Variants in CELF2 observed in about 807,000 individuals in gnomAD.
CELF2 encodes the protein CUG triplet repeat RNA-binding protein 2.
In CELF2, 8 loss-of-function variants were observed where a neutral mutation model predicts 62.6. That is an observed-to-expected ratio of 0.13 (90% CI 0.07 to 0.23). The LOEUF is 0.23. Ranked by LOEUF, CELF2 falls within the 10% of genes least tolerant of loss-of-function variation. CELF2 has a pLI of 1.00. For missense variants in CELF2, 333 were observed against 671.0 expected (o/e 0.50, Z 5.56); for synonymous variants, 258 against 250.0 (o/e 1.03, Z -0.30).
chr10:11,210,641 C>T (rs1049344867), intron 2 of CELF2, among the ~76,000 whole-genome samples: 1 of 152,186 alleles, frequency 6.6e-6, no homozygotes, highest in African/African-American at 2.4e-5. Flanking sequence ...TAGAGAACAC[C>T]TTACACAGGG....
At chr10:10,708,777 G>A in the CELF2 span, among the ~76,000 whole-genome samples, 1 of 152,092 alleles carries the variant, frequency 6.6e-6, no homozygotes, top group East Asian at 1.9e-4. Flanking sequence ...ATAATATACT[G>A]GGAATGGTTG....
chr10:10,826,203 T>C (rs1289320200), intron 1 of CELF2, among the ~76,000 whole-genome samples: 2 of 152,140 alleles, frequency 1.3e-5, no homozygotes, highest in African/African-American at 4.8e-5. Context: ...TTTTCCTGGA[T>C]GCCCATTTCT....
chr10:11,104,503 C>A (rs1311003900), intron 1 of CELF2, among the ~76,000 whole-genome samples: 1 of 152,126 alleles, frequency 6.6e-6, no homozygotes, highest in Non-Finnish European at 1.5e-5. Context: ...CCAGCCTGGG[C>A]AATACCTTGT....
intron 1 of CELF2, among the ~76,000 whole-genome samples, chr10:11,041,063 G>A (rs1301619255): frequency 6.6e-6 from 1 of 152,194 alleles, no homozygotes; most frequent in Non-Finnish European, 1.5e-5. Context: ...GACACATTTG[G>A]TTCTTGGTGA....
At chr10:10,755,564 C>T in the CELF2 span, among the ~76,000 whole-genome samples, 2 of 152,212 alleles carry the variant, frequency 1.3e-5, no homozygotes, top group Admixed American at 6.5e-5. Context: ...GCACCAGTCG[C>T]TCTACGACAG....
chr10:10,773,385 G>A, the CELF2 span, among the ~76,000 whole-genome samples: 1 of 152,148 alleles, frequency 6.6e-6, no homozygotes, highest in Admixed American at 6.5e-5. Context: ...AAATCCTTTT[G>A]CTTCATGTTG....
In CELF2 at chr10:10,936,356, G is replaced by A. The variant is rs893147327; in HGVS notation, c.89+16357G>A. On this transcript the variant is annotated intron_variant, in intron 2 of 13. Coordinates refer to the CELF2 transcript ENST00000636488. The surrounding 1 kb of genome is among the most constrained non-coding windows in gnomAD (Gnocchi z 4.0). Reference sequence around the variant, plus strand: ...CTCATGTTACATGACTGTTCTCCCTGCAGTATACACTCAGCCTGTTAGTTT... The same window carrying A: ...CTCATGTTACATGACTGTTCTCCCTACAGTATACACTCAGCCTGTTAGTTT... Among the ~76,000 whole-genome samples the A allele has an allele frequency of 5.3e-5, 8 of 152,110 alleles. No individual in the cohort carries two copies. The highest frequency in any genetic ancestry group is 5.2e-4 in the Admixed American group (8 of 15,264).
intron 5 of CELF2, among the ~76,000 whole-genome samples, chr10:11,259,665 C>T (rs1368942588): frequency 6.6e-6 from 1 of 152,170 alleles, no homozygotes; most frequent in Non-Finnish European, 1.5e-5. Context: ...GACTGCACCA[C>T]CTCTGGCTCC....
the CELF2 span, among the ~76,000 whole-genome samples, chr10:10,467,081 C>G: frequency 6.6e-6 from 1 of 151,944 alleles, no homozygotes; most frequent in Non-Finnish European, 1.5e-5. Flanking sequence ...TACCAACATA[C>G]CACAATATAC....
In CELF2 at chr10:11,321,119, C is replaced by T. The variant is rs997078281; in HGVS notation, c.1097-70C>T. Reference sequence around the variant, plus strand: ...TGTTGTACTGTGTTTAAATGATTCTCTAACTTCCTTTGGAAAGCACTAATG... The same window carrying T: ...TGTTGTACTGTGTTTAAATGATTCTTTAACTTCCTTTGGAAAGCACTAATG... On this transcript the variant is annotated intron_variant, in intron 10 of 12. Coordinates refer to ENST00000633077, the MANE Select transcript of CELF2 (RefSeq NM_001326342.2). This position sits in a 1 kb window ranked among gnomAD's most constrained non-coding sequence, Gnocchi z 6.2. The T allele has an allele frequency of 2.6e-6, 4 of 1,525,120 alleles. No homozygotes were observed. The African/African-American group carries it at 4.1e-5, about 16-fold the overall frequency. The allele number at this position is 1,525,120 out of a possible 1,614,324, so 94.5% of individuals were successfully genotyped here. A position where few individuals can be genotyped will look rare whatever the true frequency, so the allele number is the denominator to read the frequency against.
chr10:10,484,073 T>TTCTC, the CELF2 span, among the ~76,000 whole-genome samples: 2 of 11,944 alleles, frequency 1.7e-4, no homozygotes, highest in African/African-American at 8.2e-4. Context: ...CCCTCCCACC[T>TTCTC]TCTCTCTCTC....
At chr10:10,924,508 A>G (rs2065259691) in intron 2 of CELF2, among the ~76,000 whole-genome samples, 1 of 152,138 alleles carries the variant, frequency 6.6e-6, no homozygotes, top group Admixed American at 6.5e-5. Context: ...AGAGATTCAT[A>G]TGTTGATTCT....
At chr10:10,828,296 G>A (rs2057573921) in intron 1 of CELF2, among the ~76,000 whole-genome samples, 1 of 152,174 alleles carries the variant, frequency 6.6e-6, no homozygotes, top group Non-Finnish European at 1.5e-5. Flanking sequence ...TAAACAAAAT[G>A]TGGTATATGC....
chr10:10,914,131 TAA>T lies in CELF2; in HGVS notation c.54-5822_54-5821del, dbSNP rs56850953. ...AAATAAAATCTATTTTACCTTTTTT[TAA>T]AAAAAAAAAATGTTCTCTGTACTTT... On this transcript the variant is annotated intron_variant, in intron 1 of 13. Transcript: ENST00000636488. Among the ~76,000 whole-genome samples the T allele has an allele frequency of 2.8e-3, 400 of 143,178 alleles. 1 individual carries two copies. The highest frequency in any genetic ancestry group is 6.5e-3 in the African/African-American group (254 of 39,060). The allele number at this position is 143,178 out of a possible 152,430, so 93.9% of individuals were successfully genotyped here.
the CELF2 span, among the ~76,000 whole-genome samples, chr10:10,536,113 G>A: frequency 2.0e-5 from 3 of 149,868 alleles, no homozygotes; most frequent in Admixed American, 6.7e-5. Context: ...TCCGCCTCCC[G>A]AGTTCAAGCG....
rs2064375384 is a variant in CELF2, at chr10:11,220,059, T to C, written c.354+2552T>C. ...ATGCACTTTGCCATATGCCTTCAAT[T>C]TCTTTCTGAATAAAACTAAAAGTGA... is the stretch of plus-strand genomic sequence containing the variant. On this transcript the variant is annotated intron_variant, in intron 3 of 12. Coordinates refer to ENST00000633077, the MANE Select transcript of CELF2 (RefSeq NM_001326342.2). This position sits in a 1 kb window ranked among gnomAD's most constrained non-coding sequence, Gnocchi z 4.4. Among the ~76,000 whole-genome samples, 1 of 152,232 alleles carries C rather than the reference T, an allele frequency of 6.6e-6. No individual in the cohort carries two copies. The highest frequency in any genetic ancestry group is 2.1e-4 in the South Asian group (1 of 4,832).
intron 2 of CELF2, among the ~76,000 whole-genome samples, chr10:10,965,056 C>T (rs2049975478): frequency 1.3e-5 from 2 of 152,070 alleles, no homozygotes; most frequent in African/African-American, 4.8e-5. Flanking sequence ...TACTCCAACC[C>T]AATTCTTAGA....
the CELF2 span, among the ~76,000 whole-genome samples, chr10:10,586,047 A>C: frequency 6.6e-6 from 1 of 152,212 alleles, no homozygotes; most frequent in Non-Finnish European, 1.5e-5. Context: ...TAAATTTTAC[A>C]ATTAGCCTTT....
intron 1 of CELF2, among the ~76,000 whole-genome samples, chr10:10,877,291 G>A (rs2133557686): frequency 6.6e-6 from 1 of 152,342 alleles, no homozygotes; most frequent in African/African-American, 2.4e-5. Context: ...ACAGCCTCAG[G>A]AGATCCTGAT....
Sources: gnomAD v4.1 joint callset for allele counts (sites outside exome capture counted in the v4.1 genomes callset) on GRCh38, gnomAD v4.1.1 for gene constraint, Gnocchi (gnomAD v3.1) non-coding constraint, MANE v1.5 for transcripts, NCBI Gene and HGNC (gene_info 2026-07-23, HGNC 2026-07-21) for gene names.